AGBL4: variants seen among roughly 807,000 people sequenced by gnomAD.
The protein encoded by AGBL4 is cytosolic carboxypeptidase 6.
Under a neutral mutation model 66.4 loss-of-function variants are expected in AGBL4, and 58 were observed. The observed-to-expected ratio is 0.87, with a 90% CI of 0.71 to 1.09. The LOEUF is 1.09. Ranked by LOEUF, AGBL4 falls within the 50% of genes least tolerant of loss-of-function variation. The pLI, the probability that AGBL4 is intolerant of heterozygous loss-of-function variation, is 0.00. For synonymous variants in AGBL4, 234 were observed against 222.9 expected (o/e 1.05, Z -0.44); for missense variants, 579 against 631.0 (o/e 0.92, Z 0.88).
At chr1:49,775,840 G>A (rs548287646) in intron 2 of AGBL4, among the ~76,000 whole-genome samples, 1 of 152,124 alleles carries the variant, frequency 6.6e-6, no homozygotes, top group East Asian at 1.9e-4. Context: ...TATATTATGA[G>A]GGGAAAAGTA....
intron 5 of AGBL4, among the ~76,000 whole-genome samples, chr1:48,902,510 TG>T (rs1283430148): frequency 6.6e-6 from 1 of 152,234 alleles, no homozygotes; most frequent in African/African-American, 2.4e-5. Context: ...GAACTGGTGG[TG>T]GATTGGAAAG....
At chr1:48,651,259 C>T (rs750593611) in intron 8 of AGBL4, among the ~76,000 whole-genome samples, 20 of 152,100 alleles carry the variant, frequency 1.3e-4, no homozygotes, top group Admixed American at 3.3e-4. Context: ...TCTTTTATCA[C>T]GGAGTCCTCA....
intron 4 of AGBL4, among the ~76,000 whole-genome samples, chr1:49,079,130 T>C (rs1644762396): frequency 6.6e-6 from 1 of 152,148 alleles, no homozygotes; most frequent in Non-Finnish European, 1.5e-5. Context: ...GCCTAGCACA[T>C]CATATTTGGC....
chr1:49,356,294 T>C (rs148887890), intron 3 of AGBL4, among the ~76,000 whole-genome samples: 1 of 152,204 alleles, frequency 6.6e-6, no homozygotes, highest in East Asian at 1.9e-4. Flanking sequence ...GAGAACTTGC[T>C]TTCTAACTCC....
chr1:49,768,009 A>T (rs1247650060), intron 2 of AGBL4, among the ~76,000 whole-genome samples: 1 of 151,536 alleles, frequency 6.6e-6, no homozygotes, highest in Admixed American at 6.6e-5. Flanking sequence ...GATCTCAAAG[A>T]AAAAAAACAA....
At chr1:48,617,629 T>C (rs912719171) in intron 9 of AGBL4, among the ~76,000 whole-genome samples, 1 of 152,224 alleles carries the variant, frequency 6.6e-6, no homozygotes, top group Non-Finnish European at 1.5e-5. Context: ...CCTCCTACCA[T>C]ATGCCCATGG....
At chr1:49,873,109 G>A (rs1005193412) in intron 1 of AGBL4, among the ~76,000 whole-genome samples, 1 of 151,678 alleles carries the variant, frequency 6.6e-6, no homozygotes, top group African/African-American at 2.4e-5. Context: ...AAATCACTTT[G>A]ACTTTCATAC....
downstream of AGBL4, among the ~76,000 whole-genome samples, chr1:48,528,834 T>G (rs1009595811): frequency 3.9e-5 from 6 of 152,154 alleles, no homozygotes; most frequent in African/African-American, 1.4e-4. Flanking sequence ...AAAAAAAGTT[T>G]TGTATGTATC....
At chr1:49,531,926 G>A (rs1651171506) in intron 3 of AGBL4, among the ~76,000 whole-genome samples, 1 of 151,934 alleles carries the variant, frequency 6.6e-6, no homozygotes, top group Non-Finnish European at 1.5e-5. Flanking sequence ...ATATGCTAAT[G>A]GTCTGTCCCA....
chr1:49,519,837 G>C (rs1433766876), intron 3 of AGBL4, among the ~76,000 whole-genome samples: 1 of 152,104 alleles, frequency 6.6e-6, no homozygotes, highest in Non-Finnish European at 1.5e-5. Flanking sequence ...AGGACTAAAA[G>C]TGGAAAGTAG....
At chr1:49,867,782 A>C (rs1646740686) in intron 1 of AGBL4, among the ~76,000 whole-genome samples, 1 of 152,148 alleles carries the variant, frequency 6.6e-6, no homozygotes, top group East Asian at 1.9e-4. Flanking sequence ...TGAAGTACAA[A>C]AACCAATAAC....
chr1:48,531,316 G>C (rs888581388), downstream of AGBL4, among the ~76,000 whole-genome samples: 2 of 151,860 alleles, frequency 1.3e-5, no homozygotes, highest in Non-Finnish European at 2.9e-5. Context: ...TAACTATACT[G>C]TACACTCCAT....
intron 3 of AGBL4, among the ~76,000 whole-genome samples, chr1:49,587,551 C>CCAG (rs1644674352): frequency 6.6e-6 from 1 of 152,124 alleles, no homozygotes; most frequent in South Asian, 2.1e-4. Flanking sequence ...CTGGCTTGAA[C>CCAG]TAAATTAAAT....
At chr1:49,197,756 C>A (rs778033738) in intron 4 of AGBL4, among the ~76,000 whole-genome samples, 2 of 152,196 alleles carry the variant, frequency 1.3e-5, no homozygotes, top group Non-Finnish European at 2.9e-5. Flanking sequence ...CAGGCCAAAA[C>A]CATGCCTCTC....
intron 6 of AGBL4, among the ~76,000 whole-genome samples, chr1:48,818,774 C>T (rs1471929494): frequency 6.6e-6 from 1 of 151,782 alleles, no homozygotes; most frequent in African/African-American, 2.4e-5. Context: ...ATGCAAAAAA[C>T]AGCCTGGAAA....
chr1:48,531,780 G>T (rs3029833), downstream of AGBL4, among the ~76,000 whole-genome samples: 6 of 62,876 alleles, frequency 9.5e-5, no homozygotes, highest in East Asian at 4.7e-4. Flanking sequence ...ATGTATGTAT[G>T]TATTTATTTA....
At chr1:48,535,002 A>G in intron 12 of AGBL4, 86 bp from the exon 13 acceptor site, 1 of 1,286,742 alleles carries the variant, frequency 7.8e-7, no homozygotes. Flanking sequence ...TCTGTCATTG[A>G]AGGATGTTGT....
At chr1:48,917,818 T>A (rs765184074) in intron 5 of AGBL4, among the ~76,000 whole-genome samples, 29 of 152,208 alleles carry the variant, frequency 1.9e-4, no homozygotes, top group Non-Finnish European at 3.2e-4. Context: ...TTTGTCCACT[T>A]GCAAACCCAG....
intron 6 of AGBL4, among the ~76,000 whole-genome samples, chr1:48,678,453 C>T (rs545943062): frequency 1.2e-4 from 18 of 152,294 alleles, no homozygotes; most frequent in Admixed American, 5.2e-4. Context: ...AGAATTTCCC[C>T]GGAACCCATG....
Sources: allele counts gnomAD v4.1 joint callset (sites outside exome capture counted in the v4.1 genomes callset), GRCh38; gene constraint gnomAD v4.1.1; transcripts MANE v1.5; gene names NCBI Gene and HGNC (gene_info 2026-07-23, HGNC 2026-07-21).